The following TYR variants were observed in gnomAD, a reference collection of about 807,000 sequenced individuals.
TYR encodes tyrosinase, also known as LB24-AB.
Under a neutral mutation model 51.5 loss-of-function variants are expected in TYR, and 58 were observed. The observed-to-expected ratio is 1.13, with a 90% CI of 0.91 to 1.40. TYR has a LOEUF of 1.40. TYR is among the 40% of genes most tolerant of loss of function. The probability of loss-of-function intolerance (pLI) is 0.00; values close to 1 mark genes in which losing one functional copy is unlikely to be tolerated. For missense variants in TYR, 732 were observed against 647.4 expected (o/e 1.13, Z -1.42); for synonymous variants, 263 against 235.2 (o/e 1.12, Z -1.08).
At chr11:89,282,909 G>C (rs547985286) in intron 3 of TYR, among the ~76,000 whole-genome samples, 1 of 151,880 alleles carries the variant, frequency 6.6e-6, no homozygotes, top group South Asian at 2.1e-4. Context: ...GAGAGGAGCT[G>C]TGAGAAAGAT....
chr11:89,204,913 G>A (rs1241102355), intron 2 of TYR, among the ~76,000 whole-genome samples: 1 of 151,542 alleles, frequency 6.6e-6, no homozygotes, highest in Non-Finnish European at 1.5e-5. Flanking sequence ...AAAAGTAATT[G>A]TGGTTTTTGC....
chr11:89,227,875 C>G lies in TYR; in HGVS notation c.1089C>G (p.His363Gln). The G allele has an allele frequency of 6.2e-7, 1 of 1,613,426 alleles. No individual in the cohort carries two copies. Among genetic ancestry groups the G allele is most frequent in the Non-Finnish European group, 8.5e-7 (1 of 1,179,684 alleles). Residue 363 changes from histidine to glutamine, a missense_variant, in exon 3 of 5, where the codon CAC becomes CAG. Physicochemically the swap from His to Gln is conservative, Grantham distance 24. Coordinates refer to ENST00000263321, the MANE Select transcript of TYR (RefSeq NM_000372.5). ...GIADASQSSMHNALHIYMNGT... is the reference protein window; with the variant it reads ...GIADASQSSMQNALHIYMNGT... ...CGGATGCCTCTCAAAGCAGCATGCA[C>G]AATGCCTTGCACATCTATATGAATG... is the stretch of plus-strand genomic sequence containing the variant.
intron 1 of TYR, among the ~76,000 whole-genome samples, chr11:89,184,058 C>A (rs1352367233): frequency 1.3e-5 from 2 of 152,114 alleles, no homozygotes; most frequent in African/African-American, 4.8e-5. Flanking sequence ...TGACTAGAAT[C>A]TTCATGATCA....
intron 2 of TYR, among the ~76,000 whole-genome samples, chr11:89,195,486 C>A (rs1943505394): frequency 6.6e-6 from 1 of 152,054 alleles, no homozygotes; most frequent in Admixed American, 6.6e-5. Context: ...TGAGACCAGC[C>A]TGGCCAACAT....
At chr11:89,271,060 A>T (rs528051640) in intron 3 of TYR, among the ~76,000 whole-genome samples, 3 of 152,046 alleles carry the variant, frequency 2.0e-5, no homozygotes, top group East Asian at 3.9e-4. Flanking sequence ...GGGGCAAAAG[A>T]TGTAGGAGAA....
At chr11:89,274,887 C>A (rs1944634501) in intron 3 of TYR, among the ~76,000 whole-genome samples, 1 of 151,758 alleles carries the variant, frequency 6.6e-6, no homozygotes, top group Non-Finnish European at 1.5e-5. Flanking sequence ...TCAATGTGAG[C>A]TGTTTAGGTC....
intron 2 of TYR, among the ~76,000 whole-genome samples, chr11:89,219,251 T>C (rs16912259): frequency 0.17 from 25,920 of 151,458 alleles, 2,653 homozygotes; most frequent in African/African-American, 0.29. Context: ...AGTCCTAAAT[T>C]AAACTTATAT....
At chr11:89,291,911 T>C (rs1419909866) in intron 4 of TYR, among the ~76,000 whole-genome samples, 1 of 152,042 alleles carries the variant, frequency 6.6e-6, no homozygotes, top group Non-Finnish European at 1.5e-5. Flanking sequence ...AGTATTATCA[T>C]ATTTGGGGGC....
chr11:89,266,636 A>G (rs931241429), intron 3 of TYR, among the ~76,000 whole-genome samples: 2 of 152,010 alleles, frequency 1.3e-5, no homozygotes, highest in Non-Finnish European at 2.9e-5. Context: ...TCCACTGCAT[A>G]TATGTTACAT....
chr11:89,290,304 C>A (rs1944840611), intron 4 of TYR, among the ~76,000 whole-genome samples: 1 of 151,938 alleles, frequency 6.6e-6, no homozygotes, highest in African/African-American at 2.4e-5. Context: ...CAAAGACAGT[C>A]CCTTGGTGAC....
chr11:89,226,563 G>A (rs1259212618), intron 2 of TYR, among the ~76,000 whole-genome samples: 5 of 152,060 alleles, frequency 3.3e-5, no homozygotes, highest in African/African-American at 7.2e-5. Flanking sequence ...GAGGTAAAAG[G>A]AGGAAAAAAC....
At chr11:89,216,958 T>C (rs78985627) in intron 2 of TYR, among the ~76,000 whole-genome samples, 2 of 152,148 alleles carry the variant, frequency 1.3e-5, no homozygotes, top group Admixed American at 6.5e-5. Context: ...CTCCAGCTAG[T>C]GGCCATGTGT....
intron 2 of TYR, among the ~76,000 whole-genome samples, chr11:89,215,246 C>T (rs1351009495): frequency 6.6e-6 from 1 of 152,000 alleles, no homozygotes; most frequent in Admixed American, 6.6e-5. Flanking sequence ...TCTGATGAAG[C>T]TGAAAACCAT....
intron 2 of TYR, among the ~76,000 whole-genome samples, chr11:89,218,145 TA>T (rs1943857043): frequency 6.6e-6 from 1 of 152,052 alleles, no homozygotes; most frequent in South Asian, 2.1e-4. Flanking sequence ...CATAAAAACA[TA>T]AGGGTTAAAT....
At chr11:89,277,622 A>G (rs181044799) in intron 3 of TYR, among the ~76,000 whole-genome samples, 1 of 151,826 alleles carries the variant, frequency 6.6e-6, no homozygotes, top group Non-Finnish European at 1.5e-5. Context: ...CATCTCATCT[A>G]GAATCATGAC....
rs754661359 is a variant in TYR, at chr11:89,178,559, T to G, written c.606T>G (p.His202Gln). The G allele has an allele frequency of 2.5e-6, 4 of 1,614,184 alleles. No individual in the cohort carries two copies. The highest frequency in any genetic ancestry group is 3.4e-6 in the Non-Finnish European group (4 of 1,180,030). Residue 202 changes from histidine (H) to glutamine (Q), a missense_variant, in exon 1 of 5, where the codon CAT (histidine) becomes CAG (glutamine). By Grantham distance (24) the His-to-Gln change is conservative (BLOSUM62 0). Coordinates refer to ENST00000263321, the MANE Select transcript of TYR (RefSeq NM_000372.5). ...TCTGGAGAGACATTGATTTTGCCCA[T>G]GAAGCACCAGCTTTTCTGCCTTGGC... ...SEIWRDIDFAHEAPAFLPWHR... is the reference protein window; with the variant it reads ...SEIWRDIDFAQEAPAFLPWHR...
rs1023759747 is a variant in TYR at position 89,191,191 on chromosome 11, G to C, written c.820-11G>C. ...GTGACAATTTGTTTAACATGAGGGT[G>C]TTTTGTACAGATTGTCTGTAGCCGA... On this transcript the variant is annotated splice_polypyrimidine_tract_variant and intron_variant, in intron 1 of 4. Transcript: ENST00000263321. 1.2e-6 allele frequency: 2 copies of C among 1,612,704 alleles called. No homozygotes were observed. Among genetic ancestry groups the C allele is most frequent in the South Asian group, 2.2e-5 (2 of 91,062 alleles).
intron 2 of TYR, among the ~76,000 whole-genome samples, chr11:89,213,417 A>G (rs1020169443): frequency 2.0e-5 from 3 of 152,200 alleles, no homozygotes; most frequent in African/African-American, 7.2e-5. Flanking sequence ...ACTACAAACC[A>G]TGGTTCAAGG....
chr11:89,216,292 T>C (rs1591161085), intron 2 of TYR, among the ~76,000 whole-genome samples: 1 of 152,168 alleles, frequency 6.6e-6, no homozygotes, highest in Admixed American at 6.5e-5. Context: ...TAAAAGCAAC[T>C]GTGGCTCAGA....
Sources: allele counts gnomAD v4.1 joint callset (sites outside exome capture counted in the v4.1 genomes callset), GRCh38; gene constraint gnomAD v4.1.1; transcripts MANE v1.5; gene names NCBI Gene and HGNC (gene_info 2026-07-23, HGNC 2026-07-21).